The following FBXL4 variants were observed in gnomAD, a reference collection of about 807,000 sequenced individuals.
The protein encoded by FBXL4 is F-box and leucine rich repeat protein 4.
In FBXL4, 40 loss-of-function variants were observed where a neutral mutation model predicts 58.9. The ratio of observed to expected loss-of-function variants is 0.68; its 90% CI spans 0.53 to 0.88. The LOEUF (loss-of-function observed/expected upper bound fraction) is 0.88, where lower values mean the gene tolerates loss of function less well. Ranked by LOEUF, FBXL4 falls within the 40% of genes least tolerant of loss-of-function variation. The pLI is 0.00. For synonymous variants in FBXL4, 263 were observed against 265.5 expected (o/e 0.99, Z 0.09); for missense variants, 676 against 734.4 (o/e 0.92, Z 0.92).
At chr6:98,900,668 T>TA (rs778841625) in intron 6 of FBXL4, among the ~76,000 whole-genome samples, 1 of 152,160 alleles carries the variant, frequency 6.6e-6, no homozygotes, top group Non-Finnish European at 1.5e-5. Flanking sequence ...AAGCACCCCA[T>TA]AAACATTAAG....
At chr6:98,945,098 T>G (rs370756703) in intron 1 of FBXL4, among the ~76,000 whole-genome samples, 14 of 152,238 alleles carry the variant, frequency 9.2e-5, no homozygotes, top group African/African-American at 3.4e-4. Context: ...GAGGAGCACT[T>G]TGGCAGAATC....
intron 7 of FBXL4, 75 bp from the exon 8 acceptor site, chr6:98,880,699 A>C (rs1770822782): frequency 8.9e-6 from 11 of 1,239,476 alleles, no homozygotes; most frequent in Middle Eastern, 1.9e-4. Flanking sequence ...GGTCAATTAG[A>C]CATTAAAGGC....
At chr6:98,906,582 T>C (rs1275039102) in intron 5 of FBXL4, among the ~76,000 whole-genome samples, 1 of 152,212 alleles carries the variant, frequency 6.6e-6, no homozygotes, top group Non-Finnish European at 1.5e-5. Context: ...TGATGGATAT[T>C]TGGGTTGGTT....
intron 7 of FBXL4, among the ~76,000 whole-genome samples, chr6:98,888,402 C>T (rs1771112379): frequency 6.6e-6 from 1 of 152,202 alleles, no homozygotes; most frequent in African/African-American, 2.4e-5. Context: ...GAGAACAAAA[C>T]AATTCTACTA....
At chr6:98,881,082 A>G (rs1465568279) in intron 7 of FBXL4, among the ~76,000 whole-genome samples, 1 of 152,182 alleles carries the variant, frequency 6.6e-6, no homozygotes, top group Non-Finnish European at 1.5e-5. Flanking sequence ...GCTTGATGGA[A>G]CTGCCAATAG....
intron 6 of FBXL4, among the ~76,000 whole-genome samples, chr6:98,900,916 T>G (rs1771586185): frequency 6.6e-6 from 1 of 152,182 alleles, no homozygotes; most frequent in Non-Finnish European, 1.5e-5. Flanking sequence ...CCAACCCCTC[T>G]CACTGCTGCT....
chr6:98,886,774 T>C (rs1771053415), intron 7 of FBXL4, among the ~76,000 whole-genome samples: 1 of 152,200 alleles, frequency 6.6e-6, no homozygotes, highest in Non-Finnish European at 1.5e-5. Flanking sequence ...CAGGTCACTA[T>C]ATACTTTTTG....
intron 5 of FBXL4, among the ~76,000 whole-genome samples, chr6:98,911,944 T>C (rs1203585982): frequency 8.6e-5 from 13 of 151,940 alleles, no homozygotes; most frequent in Admixed American, 5.9e-4. Flanking sequence ...TTTAGACAAA[T>C]GTATAACTAG....
At chr6:98,893,344 G>T (rs892723253) in intron 7 of FBXL4, among the ~76,000 whole-genome samples, 1 of 152,112 alleles carries the variant, frequency 6.6e-6, no homozygotes, top group South Asian at 2.1e-4. Context: ...TGAGATCTAG[G>T]TGTCAACAGA....
chr6:98,910,741 C>A (rs931986882), intron 5 of FBXL4, among the ~76,000 whole-genome samples: 5 of 152,090 alleles, frequency 3.3e-5, no homozygotes, highest in Non-Finnish European at 5.9e-5. Context: ...TAGGTCCCAG[C>A]GTGAGCAACG....
chr6:98,876,179 C>T (rs1770655827), intron 8 of FBXL4, among the ~76,000 whole-genome samples: 1 of 152,114 alleles, frequency 6.6e-6, no homozygotes, highest in African/African-American at 2.4e-5. Context: ...TGTGGAAATG[C>T]TGATAATACT....
chr6:98,894,725 A>G (rs1376076438), intron 7 of FBXL4, among the ~76,000 whole-genome samples: 1 of 152,216 alleles, frequency 6.6e-6, no homozygotes, highest in Non-Finnish European at 1.5e-5. Context: ...TTCAACAAAT[A>G]TATGCCACTG....
intron 5 of FBXL4, among the ~76,000 whole-genome samples, chr6:98,907,456 T>C (rs930111445): frequency 6.6e-6 from 1 of 151,908 alleles, no homozygotes; most frequent in African/African-American, 2.4e-5. Context: ...GATGATGGAG[T>C]AGCAAACAGA....
chr6:98,917,750 A>G (rs1772425132), intron 4 of FBXL4, 31 bp from the exon 5 acceptor site: 1 of 1,515,170 alleles, frequency 6.6e-7, no homozygotes, highest in Non-Finnish European at 8.9e-7. Context: ...CCTATAATAC[A>G]GTTTAGAATG....
chr6:98,935,516 G>A (rs573881097), intron 1 of FBXL4, among the ~76,000 whole-genome samples: 4 of 152,174 alleles, frequency 2.6e-5, no homozygotes, highest in African/African-American at 7.2e-5. Flanking sequence ...TGGGCCGGGC[G>A]CGGTGGCTCA....
intron 6 of FBXL4, among the ~76,000 whole-genome samples, chr6:98,899,831 A>G (rs1460907130): frequency 1.3e-5 from 2 of 152,232 alleles, no homozygotes; most frequent in Non-Finnish European, 2.9e-5. Context: ...AAAACATAAC[A>G]AAACTCTAAA....
intron 5 of FBXL4, among the ~76,000 whole-genome samples, chr6:98,912,238 T>C (rs1772116987): frequency 1.3e-5 from 2 of 152,206 alleles, no homozygotes; most frequent in South Asian, 4.1e-4. Context: ...TGGAACCAAG[T>C]TGGAAAACAC....
chr6:98,895,309 TAA>T (rs973859625), intron 7 of FBXL4, among the ~76,000 whole-genome samples: 1 of 152,204 alleles, frequency 6.6e-6, no homozygotes, highest in African/African-American at 2.4e-5. Context: ...TTGTTCATAG[TAA>T]AAAGACAAAA....
chr6:98,918,333 G>A (rs1040449897), intron 4 of FBXL4, among the ~76,000 whole-genome samples: 1 of 151,942 alleles, frequency 6.6e-6, no homozygotes, highest in Non-Finnish European at 1.5e-5. Context: ...CATAAAAGGG[G>A]AATAACATTC....
Sources: gnomAD v4.1 joint callset for allele counts (sites outside exome capture counted in the v4.1 genomes callset) on GRCh38, gnomAD v4.1.1 for gene constraint, MANE v1.5 for transcripts, NCBI Gene and HGNC (gene_info 2026-07-23, HGNC 2026-07-21) for gene names.